SRFBP1: variants seen among roughly 807,000 people sequenced by gnomAD.
The protein encoded by SRFBP1 is serum response factor-binding protein 1.
In SRFBP1, 47 loss-of-function variants were observed where a neutral mutation model predicts 45.5. The observed-to-expected ratio is 1.03, with a 90% CI of 0.82 to 1.32. SRFBP1 has a LOEUF of 1.32. Ranked by LOEUF, SRFBP1 falls within the 40% of genes most tolerant of loss-of-function variation. SRFBP1 has a pLI of 0.00. For missense variants in SRFBP1, 621 were observed against 484.6 expected (o/e 1.28, Z -2.64); for synonymous variants, 203 against 166.3 (o/e 1.22, Z -1.70).
intron 4 of SRFBP1, among the ~76,000 whole-genome samples, chr5:122,015,367 A>T (rs888152278): frequency 1.3e-5 from 2 of 152,164 alleles, no homozygotes; most frequent in Non-Finnish European, 2.9e-5. Context: ...TAGTATTTTT[A>T]TTTTAAATTT....
intron 1 of SRFBP1, among the ~76,000 whole-genome samples, chr5:121,972,701 T>G (rs185834769): frequency 6.6e-6 from 1 of 151,868 alleles, no homozygotes; most frequent in African/African-American, 2.4e-5. Context: ...CCTAATGAAG[T>G]CAAAGATGGT....
chr5:122,001,617 A>G (rs1180816138), intron 4 of SRFBP1, among the ~76,000 whole-genome samples: 2 of 135,004 alleles, frequency 1.5e-5, no homozygotes, highest in Non-Finnish European at 3.0e-5. Context: ...TGCGGATTGC[A>G]GTGGCGCAAT....
chr5:122,047,877 AT>A (rs1753894175), intron 2 of SRFBP1, among the ~76,000 whole-genome samples: 2 of 152,122 alleles, frequency 1.3e-5, no homozygotes, highest in Non-Finnish European at 2.9e-5. Flanking sequence ...AATGCTTGTG[AT>A]TTTTGCACAT....
At chr5:121,969,030 C>G (rs1430647431) in intron 1 of SRFBP1, among the ~76,000 whole-genome samples, 1 of 152,054 alleles carries the variant, frequency 6.6e-6, no homozygotes, top group East Asian at 1.9e-4. Flanking sequence ...CATAGCCAGC[C>G]AAAAGTCAAT....
At chr5:122,010,822 G>A (rs1753077304) in intron 4 of SRFBP1, among the ~76,000 whole-genome samples, 1 of 151,970 alleles carries the variant, frequency 6.6e-6, no homozygotes, top group Admixed American at 6.6e-5. Flanking sequence ...ACAGAATATT[G>A]GAGAGTATTT....
At chr5:121,984,563 G>A (rs1475797357) in intron 3 of SRFBP1, among the ~76,000 whole-genome samples, 1 of 151,694 alleles carries the variant, frequency 6.6e-6, no homozygotes, top group African/African-American at 2.4e-5. Context: ...TTTTTAAGAG[G>A]TTATAGCAGT....
chr5:122,073,847 T>C (rs1754529149), intron 2 of SRFBP1, among the ~76,000 whole-genome samples: 2 of 152,220 alleles, frequency 1.3e-5, no homozygotes, highest in African/African-American at 4.8e-5. Flanking sequence ...AAGAAAATAC[T>C]AGACTCATGG....
chr5:122,029,059 G>A (rs1031522822), downstream of SRFBP1, among the ~76,000 whole-genome samples: 4 of 151,988 alleles, frequency 2.6e-5, no homozygotes, highest in Non-Finnish European at 5.9e-5. Context: ...ATTGGTTCTC[G>A]ACTTGGAGTG....
At chr5:122,060,454 G>A (rs1357635992) in intron 2 of SRFBP1, among the ~76,000 whole-genome samples, 1 of 151,980 alleles carries the variant, frequency 6.6e-6, no homozygotes, top group Non-Finnish European at 1.5e-5. Flanking sequence ...CATGTGGTTT[G>A]GATTGAAGCA....
At position 122,074,173 on chromosome 5, in the gene SRFBP1, A is replaced by G. The variant is rs1358593685; in HGVS notation, n.312-1142A>G. On this transcript the variant is annotated intron_variant and non_coding_transcript_variant, in intron 2 of 2. Coordinates refer to the SRFBP1 transcript ENST00000504881. ...CTCATCCATACTGTGGTAATGTCTG[A>G]TGTCCCACAAAACAAAAAGATGGTG... is the stretch of plus-strand genomic sequence containing the variant. The G allele has an allele frequency of 2.1e-5, 33 of 1,609,296 alleles. No homozygotes were observed. Among genetic ancestry groups the G allele is most frequent in the African/African-American group, 2.7e-5 (2 of 74,872 alleles).
chr5:122,023,940 A>G (rs1033125809), intron 7 of SRFBP1, among the ~76,000 whole-genome samples: 1 of 152,160 alleles, frequency 6.6e-6, no homozygotes, highest in East Asian at 1.9e-4. Context: ...TCCCGCTCTC[A>G]TTCAGCATCT....
In SRFBP1 at chr5:122,014,641, G is replaced by GA. The variant is rs1168700678; in HGVS notation, c.271-4612dup. Among the ~76,000 whole-genome samples, 3 of 152,128 alleles carry GA rather than the reference G, an allele frequency of 2.0e-5. No homozygotes were observed. The East Asian group carries it at 5.8e-4, about 29-fold the overall frequency. ...GTAAATCTTTTTCTAGAGCCTTTCA[G>GA]AAAAAAATGAAATTCACTGAAATGA... On this transcript the variant is annotated intron_variant, in intron 4 of 7. Transcript: ENST00000339397.
chr5:122,019,152 A>G lies in SRFBP1; in HGVS notation c.271-108A>G, dbSNP rs117316814. The G allele has an allele frequency of 3.8e-4, 342 of 910,960 alleles. 2 individuals are homozygous for G. The East Asian group carries it at 5.9e-3, about 16-fold the overall frequency. 56.4% of individuals were successfully genotyped at this position (910,960 alleles called of 1,614,324 possible). On this transcript the variant is annotated intron_variant, in intron 4 of 7. Transcript: ENST00000339397. The stretch of plus-strand genomic sequence containing the variant: ...TCTAAGGAGAATATTAACTAGTTCT[A>G]TTCTCCAACTCTAATTTTAAAGACT...
chr5:122,015,795 A>T (rs1230751012), intron 4 of SRFBP1, among the ~76,000 whole-genome samples: 1 of 152,214 alleles, frequency 6.6e-6, no homozygotes, highest in Non-Finnish European at 1.5e-5. Context: ...GTTTACCCCT[A>T]CAGTAAGATG....
At chr5:121,992,790 C>T (rs927645060) in intron 3 of SRFBP1, among the ~76,000 whole-genome samples, 12 of 152,022 alleles carry the variant, frequency 7.9e-5, no homozygotes, top group African/African-American at 2.9e-4. Flanking sequence ...TAAATTATTC[C>T]CTTTAGTTTT....
chr5:122,035,534 C>T (rs1022417131), intron 2 of SRFBP1, among the ~76,000 whole-genome samples: 6 of 152,166 alleles, frequency 3.9e-5, no homozygotes, highest in African/African-American at 1.4e-4. Flanking sequence ...TTCCCTAGAT[C>T]TCTGGCTGCT....
intron 4 of SRFBP1, among the ~76,000 whole-genome samples, chr5:122,003,638 A>G (rs892723899): frequency 1.3e-5 from 2 of 152,106 alleles, no homozygotes; most frequent in Non-Finnish European, 2.9e-5. Flanking sequence ...CCTCCATACT[A>G]TTCCTCATAA....
At chr5:122,012,304 TA>T (rs1163345131) in intron 4 of SRFBP1, among the ~76,000 whole-genome samples, 1 of 152,100 alleles carries the variant, frequency 6.6e-6, no homozygotes, top group Non-Finnish European at 1.5e-5. Context: ...AATTAGAAGC[TA>T]AAAATATTAA....
At chr5:121,978,122 A>T (rs1752341115) in intron 3 of SRFBP1, among the ~76,000 whole-genome samples, 1 of 152,188 alleles carries the variant, frequency 6.6e-6, no homozygotes, top group South Asian at 2.1e-4. Flanking sequence ...CTCAATAATA[A>T]AAGTAACAAC....
Sources: allele counts gnomAD v4.1 joint callset (sites outside exome capture counted in the v4.1 genomes callset), GRCh38; gene constraint gnomAD v4.1.1; transcripts MANE v1.5; gene names NCBI Gene and HGNC (gene_info 2026-07-23, HGNC 2026-07-21).